The following CNTNAP2 variants were observed in gnomAD, a reference collection of about 807,000 sequenced individuals.
CNTNAP2 encodes contactin associated protein 2.
In CNTNAP2, 98 loss-of-function variants were observed where a neutral mutation model predicts 155.2. The ratio of observed to expected loss-of-function variants is 0.63; its 90% confidence interval spans 0.54 to 0.75. The LOEUF is 0.75. CNTNAP2 is among the 30% of genes least tolerant of loss of function. The pLI is 0.00. For synonymous variants in CNTNAP2, 651 were observed against 631.2 expected, an observed-to-expected ratio of 1.03 and a Z score of -0.47; for missense variants, 1,727 against 1,688.1, an observed-to-expected ratio of 1.02 and a Z score of -0.40.
intron 1 of CNTNAP2, among the ~76,000 whole-genome samples, chr7:146,569,262 G>A (rs550944897): frequency 2.7e-4 from 41 of 152,148 alleles, no homozygotes; most frequent in South Asian, 1.7e-3. Flanking sequence ...TTCGTGATCC[G>A]CCCTCCTCGG....
intron 1 of CNTNAP2, among the ~76,000 whole-genome samples, chr7:146,378,778 A>G (rs1293615461): frequency 6.6e-6 from 1 of 152,212 alleles, no homozygotes; most frequent in Non-Finnish European, 1.5e-5. Context: ...CAATACTCAA[A>G]TATGGCAAAT....
intron 21 of CNTNAP2, among the ~76,000 whole-genome samples, chr7:148,325,937 C>T (rs1478281664): frequency 6.6e-6 from 1 of 152,138 alleles, no homozygotes; most frequent in Admixed American, 6.5e-5. Context: ...TGCTAGTAAA[C>T]TTCTACTGAC....
chr7:148,408,555 C>A (rs757927584), intron 22 of CNTNAP2, among the ~76,000 whole-genome samples: 1 of 152,152 alleles, frequency 6.6e-6, no homozygotes, highest in Admixed American at 6.5e-5. Context: ...CTTCTAAATT[C>A]TTTTTACATT....
At chr7:146,211,491 T>C (rs1204018001) in intron 1 of CNTNAP2, among the ~76,000 whole-genome samples, 1 of 152,236 alleles carries the variant, frequency 6.6e-6, no homozygotes, top group East Asian at 1.9e-4. Flanking sequence ...TTTTCCTTTT[T>C]GCTTTATAAT....
intron 4 of CNTNAP2, chr7:147,082,099 A>C (rs937647060): frequency 3.3e-5 from 5 of 152,196 alleles, no homozygotes; most frequent in Non-Finnish European, 5.9e-5. Context: ...CTAGGAAAAA[A>C]AAGAAAGGTA....
chr7:146,646,643 T>A (rs1799817176), intron 1 of CNTNAP2, among the ~76,000 whole-genome samples: 1 of 152,208 alleles, frequency 6.6e-6, no homozygotes, highest in Non-Finnish European at 1.5e-5. Context: ...TTTTCTGGCA[T>A]AAATAATGTT....
intron 21 of CNTNAP2, among the ~76,000 whole-genome samples, chr7:148,335,129 C>T (rs145832787): frequency 6.6e-6 from 1 of 152,294 alleles, no homozygotes; most frequent in Non-Finnish European, 1.5e-5. Context: ...ATAATTAACA[C>T]GGCAGCAAGA....
At chr7:146,487,445 G>A (rs1797073499) in intron 1 of CNTNAP2, among the ~76,000 whole-genome samples, 1 of 152,160 alleles carries the variant, frequency 6.6e-6, no homozygotes, top group Non-Finnish European at 1.5e-5. Context: ...AAAGTGCAAT[G>A]TCCTCCTAAG....
At chr7:148,283,385 T>C (rs1291950317) in intron 21 of CNTNAP2, among the ~76,000 whole-genome samples, 1 of 152,152 alleles carries the variant, frequency 6.6e-6, no homozygotes, top group Non-Finnish European at 1.5e-5. Flanking sequence ...GGAAAATTTT[T>C]GAATTTCTTA....
At chr7:146,743,067 C>A (rs1801747085) in intron 1 of CNTNAP2, among the ~76,000 whole-genome samples, 1 of 151,744 alleles carries the variant, frequency 6.6e-6, no homozygotes, top group Non-Finnish European at 1.5e-5. Flanking sequence ...TGCATCGAAA[C>A]CCTGATAGGT....
intron 1 of CNTNAP2, among the ~76,000 whole-genome samples, chr7:146,211,004 TG>T (rs1799026330): frequency 1.3e-5 from 2 of 152,140 alleles, no homozygotes; most frequent in South Asian, 4.1e-4. Context: ...AAAGTGAAAT[TG>T]AATGTTGATT....
rs895974503 is a variant in CNTNAP2, at chr7:147,602,018, T to C, written c.1898-37088T>C. 2.6e-5 allele frequency among the ~76,000 whole-genome samples: 4 copies of C among 152,142 alleles called. No individual in the cohort carries two copies. The East Asian group carries it at 7.7e-4, about 29-fold the overall frequency. ...TTTGAGGAAATTTATGTTGTATTTG[T>C]TTGTTAATAATATTTTATAATTGTT... On this transcript the variant is annotated intron_variant, in intron 12 of 23. Transcript: ENST00000361727.
At chr7:147,300,354 T>TTGATTA (rs1264939025) in intron 9 of CNTNAP2, 64 bp downstream of exon 9, 14 of 1,580,660 alleles carry the variant, frequency 8.9e-6, no homozygotes, top group Non-Finnish European at 1.2e-5. Flanking sequence ...AAAATGAAGT[T>TTGATTA]TGATTATGAA....
At chr7:146,298,654 G>T (rs1318233407) in intron 1 of CNTNAP2, among the ~76,000 whole-genome samples, 1 of 152,202 alleles carries the variant, frequency 6.6e-6, no homozygotes, top group Non-Finnish European at 1.5e-5. Flanking sequence ...CACAAAATCT[G>T]CCTCTGAACG....
At chr7:147,436,255 G>A (rs1369912801) in intron 10 of CNTNAP2, among the ~76,000 whole-genome samples, 1 of 151,996 alleles carries the variant, frequency 6.6e-6, no homozygotes, top group Non-Finnish European at 1.5e-5. Flanking sequence ...AACTAGCCAG[G>A]GAACCTTCTC....
intron 1 of CNTNAP2, among the ~76,000 whole-genome samples, chr7:146,506,595 C>A (rs548191009): frequency 6.6e-6 from 1 of 152,320 alleles, no homozygotes; most frequent in African/African-American, 2.4e-5. Flanking sequence ...CTTTCGATGG[C>A]CCATTTCCCA....
intron 18 of CNTNAP2, among the ~76,000 whole-genome samples, chr7:148,176,896 G>C (rs756455080): frequency 6.6e-6 from 1 of 152,160 alleles, no homozygotes; most frequent in Non-Finnish European, 1.5e-5. Context: ...GGACCGAATG[G>C]ATAGTTGCTT....
chr7:147,458,539 G>T (rs568507445), intron 10 of CNTNAP2, among the ~76,000 whole-genome samples: 1 of 152,152 alleles, frequency 6.6e-6, no homozygotes, highest in Non-Finnish European at 1.5e-5. Flanking sequence ...CCAGGGCTTT[G>T]ATATCAGACT....
At chr7:147,928,164 T>G (rs1800432486) in intron 14 of CNTNAP2, among the ~76,000 whole-genome samples, 1 of 152,186 alleles carries the variant, frequency 6.6e-6, no homozygotes, top group Non-Finnish European at 1.5e-5. Context: ...ACCGTGATTG[T>G]GAGGCCTCCC....
Sources: allele counts gnomAD v4.1 joint callset (sites outside exome capture counted in the v4.1 genomes callset), GRCh38; gene constraint gnomAD v4.1.1; transcripts MANE v1.5; gene names NCBI Gene and HGNC (gene_info 2026-07-23, HGNC 2026-07-21).